PIK3CA: variants seen among roughly 807,000 people sequenced by gnomAD.
The protein encoded by PIK3CA is phosphatidylinositol-4,5-bisphosphate 3-kinase catalytic subunit alpha, also known as phosphatidylinositol 4,5-bisphosphate 3-kinase catalytic subunit alpha isoform.
Under a neutral mutation model 138.2 loss-of-function variants are expected in PIK3CA, and 27 were observed. That is an observed-to-expected ratio of 0.20 (90% confidence interval 0.14 to 0.27). The LOEUF (loss-of-function observed/expected upper bound fraction) is 0.27. PIK3CA is among the 10% of genes least tolerant of loss of function. The probability of loss-of-function intolerance (pLI) is 1.00; values close to 1 mark genes in which losing one functional copy is unlikely to be tolerated. For missense variants in PIK3CA, 544 were observed against 1,277.4 expected (o/e 0.43, Z 8.75); for synonymous variants, 358 against 413.2 (o/e 0.87, Z 1.62).
At chr3:179,225,165 G>GC (rs1725054652) in intron 16 of PIK3CA, among the ~76,000 whole-genome samples, 1 of 151,510 alleles carries the variant, frequency 6.6e-6, no homozygotes, top group Non-Finnish European at 1.5e-5. Context: ...CATTTGCTTA[G>GC]CTGTGTGAGT....
At chr3:179,149,338 G>A (rs972085416) in intron 1 of PIK3CA, among the ~76,000 whole-genome samples, 2 of 152,104 alleles carry the variant, frequency 1.3e-5, no homozygotes, top group Non-Finnish European at 2.9e-5. Flanking sequence ...GGTAGGGCCC[G>A]GGATTGGGCT....
At chr3:179,217,433 G>A (rs3975510) in intron 9 of PIK3CA, among the ~76,000 whole-genome samples, 38,936 of 151,736 alleles carry the variant, frequency 0.26, 5,935 homozygotes, top group African/African-American at 0.42. Flanking sequence ...AATATGTGCC[G>A]GTAATATTTC....
intron 1 of PIK3CA, chr3:179,149,865 C>G (rs781104931): frequency 1.1e-4 from 17 of 152,144 alleles, no homozygotes; most frequent in Non-Finnish European, 2.1e-4. Context: ...TGTTTATGTG[C>G]TGGATTGCGT....
At chr3:179,200,912 A>T (rs1321690839) in intron 3 of PIK3CA, among the ~76,000 whole-genome samples, 1 of 152,002 alleles carries the variant, frequency 6.6e-6, no homozygotes, top group Non-Finnish European at 1.5e-5. Context: ...TTCTTTCTTT[A>T]CTTCCCATAG....
chr3:179,203,916 G>A (rs147229296), intron 5 of PIK3CA, 127 bp downstream of exon 5: 41 of 633,072 alleles, frequency 6.5e-5, no homozygotes, highest in African/African-American at 6.0e-4. Context: ...CCAAATCTCC[G>A]AATGTAAAAA....
intron 1 of PIK3CA, among the ~76,000 whole-genome samples, chr3:179,171,874 A>G (rs939860287): frequency 2.6e-5 from 4 of 152,110 alleles, no homozygotes; most frequent in African/African-American, 9.7e-5. Flanking sequence ...GAGCATCACA[A>G]TTCATTTTAT....
At chr3:179,226,081 C>A (rs2108419752) in intron 17 of PIK3CA, 41 bp downstream of exon 17, 1 of 1,076,432 alleles carries the variant, frequency 9.3e-7, no homozygotes, top group Non-Finnish European at 1.4e-6. Context: ...GAAAGTTATC[C>A]TGAAAAAGTG....
At chr3:179,188,087 A>G (rs1193318419) in intron 1 of PIK3CA, among the ~76,000 whole-genome samples, 1 of 152,224 alleles carries the variant, frequency 6.6e-6, no homozygotes, top group Non-Finnish European at 1.5e-5. Flanking sequence ...ATGATGGTGC[A>G]CTGATCTCAA....
Position 179,219,817 on chromosome 3 carries a change from C to G in PIK3CA, c.1911+82C>G, listed in dbSNP as rs1724924843. Reference sequence around the variant, plus strand: ...TCCATACAACTTCCTTTTAAAAAACCTACTGCACTAACTAGTTTTATGCTT... The same window carrying G: ...TCCATACAACTTCCTTTTAAAAAACGTACTGCACTAACTAGTTTTATGCTT... On this transcript the variant is annotated intron_variant, in intron 12 of 20. Transcript: ENST00000263967. The surrounding 1 kb of genome is among the most constrained non-coding windows in gnomAD (Gnocchi z 4.2). 2 of 1,434,460 alleles carry G rather than the reference C, an allele frequency of 1.4e-6. No individual in the cohort carries two copies. Among genetic ancestry groups the G allele is most frequent in the Non-Finnish European group, 9.5e-7 (1 of 1,049,058 alleles). The allele number at this position is 1,434,460 out of a possible 1,614,324, so 88.9% of individuals were successfully genotyped here.
chr3:179,171,670 A>G (rs1356593500), intron 1 of PIK3CA, among the ~76,000 whole-genome samples: 1 of 152,164 alleles, frequency 6.6e-6, no homozygotes, highest in Non-Finnish European at 1.5e-5. Context: ...AAAGATACTA[A>G]TTACCAAAAC....
chr3:179,236,305 C>T lies in PIK3CA; in HGVS notation c.*1941C>T, dbSNP rs1482967386. 1.9e-5 allele frequency: 4 copies of T among 207,904 alleles called. No individual in the cohort carries two copies. Among genetic ancestry groups the T allele is most frequent in the Non-Finnish European group, 2.9e-5 (3 of 102,186 alleles). 12.9% of individuals were successfully genotyped at this position (207,904 alleles called of 1,614,324 possible). A position where few individuals can be genotyped will look rare whatever the true frequency, so the allele number is the denominator to read the frequency against. On this transcript the variant is annotated 3_prime_UTR_variant, in exon 21 of 21. Transcript: ENST00000263967. Reference sequence around the variant, plus strand: ...GAACTTACTTCTGCAAACTGTCTTGCGATAGTTAAGCAGAATTTAAACTCT... The same window carrying T: ...GAACTTACTTCTGCAAACTGTCTTGTGATAGTTAAGCAGAATTTAAACTCT...
intron 4 of PIK3CA, among the ~76,000 whole-genome samples, chr3:179,202,982 C>T (rs1724455975): frequency 6.8e-6 from 1 of 147,672 alleles, no homozygotes; most frequent in Non-Finnish European, 1.5e-5. Flanking sequence ...GCTCTGTCGC[C>T]CAGGCTGGAG....
intron 1 of PIK3CA, among the ~76,000 whole-genome samples, chr3:179,192,405 C>T (rs895831090): frequency 2.0e-5 from 3 of 152,188 alleles, no homozygotes; most frequent in African/African-American, 7.2e-5. Context: ...AGTAAGCTCC[C>T]AGCAATGAAA....
intron 1 of PIK3CA, among the ~76,000 whole-genome samples, chr3:179,187,792 C>G (rs990656608): frequency 5.9e-5 from 9 of 151,570 alleles, no homozygotes; most frequent in African/African-American, 2.2e-4. Flanking sequence ...CGCCCGCCAC[C>G]ATGCCTGGCT....
At chr3:179,195,543 G>T (rs988082878) in intron 1 of PIK3CA, among the ~76,000 whole-genome samples, 1 of 151,914 alleles carries the variant, frequency 6.6e-6, no homozygotes, top group Non-Finnish European at 1.5e-5. Flanking sequence ...ACTACCCAAG[G>T]CCATACAACT....
intron 4 of PIK3CA, 59 bp from the exon 5 acceptor site, chr3:179,203,483 CAT>C: frequency 6.7e-7 from 1 of 1,501,592 alleles, no homozygotes; most frequent in Non-Finnish European, 9.0e-7. Flanking sequence ...AATACTCTGA[CAT>C]GTTACTTTTA....
intron 1 of PIK3CA, among the ~76,000 whole-genome samples, chr3:179,185,895 C>T (rs1723969432): frequency 6.6e-6 from 1 of 152,166 alleles, no homozygotes; most frequent in South Asian, 2.1e-4. Context: ...CGAACTCAGT[C>T]CTTTTTGGAT....
rs1060500031 is a variant in PIK3CA, at chr3:179,199,152, A to G, written c.327A>G (p.Glu109=). Residue 109 remains glutamate, a synonymous_variant, in exon 2 of 21, where the codon GAA becomes GAG. Transcript: ENST00000263967. Reference sequence around the variant, plus strand: ...TAATTGAACCAGTAGGCAACCGTGAAGAAAAGATCCTCAATCGAGAAATTG... The same window carrying G: ...TAATTGAACCAGTAGGCAACCGTGAGGAAAAGATCCTCAATCGAGAAATTG... The part of the protein sequence containing the change: ...LKVIEPVGNR[E]EKILNREIGF... The G allele has an allele frequency of 1.9e-6, 3 of 1,585,018 alleles. No homozygotes were observed. The African/African-American group carries it at 4.1e-5, about 22-fold the overall frequency.
intron 14 of PIK3CA, among the ~76,000 whole-genome samples, chr3:179,222,000 G>A (rs1724979769): frequency 6.6e-6 from 1 of 151,926 alleles, no homozygotes; most frequent in African/African-American, 2.4e-5. Context: ...GAGCCACTGT[G>A]CCTAGCCCAA....
Sources: gnomAD v4.1 joint callset for allele counts (sites outside exome capture counted in the v4.1 genomes callset) on GRCh38, gnomAD v4.1.1 for gene constraint, Gnocchi (gnomAD v3.1) non-coding constraint, MANE v1.5 for transcripts, NCBI Gene and HGNC (gene_info 2026-07-23, HGNC 2026-07-21) for gene names.